Variants in ZAN observed in about 807,000 individuals in gnomAD.
ZAN encodes zonadhesin (gene/pseudogene).
ZAN carries 260 observed loss-of-function variants against 286.2 expected under a neutral mutation model. The observed-to-expected ratio is 0.91, with a 90% CI of 0.82 to 1.01. The LOEUF is 1.01. Among genes scored for constraint, ZAN ranks in the 50% least tolerant of loss-of-function variants. The pLI, the probability that ZAN is intolerant of heterozygous loss-of-function variation, is 0.00. For synonymous variants in ZAN, 1,368 were observed against 1,417.5 expected (o/e 0.97, Z 0.79); for missense variants, 3,410 against 3,639.2 (o/e 0.94, Z 1.62).
In ZAN at chr7:100,751,691, G is replaced by A. The variant is rs1356964321; in HGVS notation, c.1607-21G>A. The A allele has an allele frequency of 5.8e-6, 9 of 1,563,058 alleles. No individual in the cohort carries two copies. In the East Asian group the frequency reaches 2.0e-4, roughly 35 times the overall value. ...GGTATGGTTTTGACTAAACTCCAGGGATTCTTATTTTTCTTTGCAGTAAAA... is the reference window on the plus strand; with the variant it reads ...GGTATGGTTTTGACTAAACTCCAGGAATTCTTATTTTTCTTTGCAGTAAAA... On this transcript the variant is annotated intron_variant, in intron 13 of 47. Transcript: ENST00000613979.
At chr7:100,733,968 C>G (rs1807123485) in intron 1 of ZAN, 59 bp from the exon 2 acceptor site, 1 of 402,620 alleles carries the variant, frequency 2.5e-6, no homozygotes, top group East Asian at 3.9e-5. Context: ...CCCTCGATTT[C>G]AATCTACGAT....
In ZAN at chr7:100,795,198, A is replaced by G. The variant is rs1209536603; in HGVS notation, c.8128A>G (p.Ser2710Gly). The G allele has an allele frequency of 6.2e-7, 1 of 1,607,252 alleles. No homozygotes were observed. Among genetic ancestry groups the G allele is most frequent in the Admixed American group, 1.7e-5 (1 of 59,404 alleles). Residue 2710 changes from serine (S) to glycine (G), a missense_variant and splice_region_variant, in exon 45 of 48, where the codon AGC becomes GGC. Physicochemically the swap from Ser to Gly is moderately conservative, Grantham distance 56. Transcript: ENST00000613979. ...CACAACCCTCTCTGTCCTTGCAGAA[A>G]GCCCGTGTCTGCAGAACCCCTGTCA... ...GNHTQGCFPE[S>G]PCLQNPCQND...
intron 39 of ZAN, among the ~76,000 whole-genome samples, chr7:100,790,561 C>CA (rs71517127): frequency 0.012 from 731 of 61,760 alleles, 6 homozygotes; most frequent in African/African-American, 0.025. Flanking sequence ...GACTCCATCT[C>CA]AAAAAAAAAA....
intron 2 of ZAN, among the ~76,000 whole-genome samples, chr7:100,735,338 G>A (rs2131460411): frequency 1.4e-5 from 2 of 138,406 alleles, no homozygotes; most frequent in Middle Eastern, 6.8e-3. Flanking sequence ...GCCAAAGTGG[G>A]AGGATTGCAT....
rs1211330200 is a variant in ZAN, at chr7:100,736,010, TTC to T, written c.106+244_106+245del. ...CCAGCCCCGAATTTCTCCTAAAAGA[TTC>T]TCTCTTTCAAATCTCTGCTCTGGGC... On this transcript the variant is annotated intron_variant, in intron 3 of 47. Transcript: ENST00000613979. Among the ~76,000 whole-genome samples the T allele has an allele frequency of 3.5e-5, 5 of 141,232 alleles. 1 individual carries two copies. Among genetic ancestry groups the T allele is most frequent in the East Asian group, 4.0e-4 (2 of 4,942 alleles). The allele number at this position is 141,232 out of a possible 152,430, so 92.7% of individuals were successfully genotyped here.
intron 26 of ZAN, 122 bp downstream of exon 26, chr7:100,768,133 G>C: frequency 8.0e-7 from 1 of 1,256,792 alleles, no homozygotes; most frequent in East Asian, 2.6e-5. Context: ...AATTCGTTGA[G>C]GACATTAGGC....
rs201585086 is a variant in ZAN at position 100,736,289 on chromosome 7, C to T, written c.107-194C>T. On this transcript the variant is annotated intron_variant, in intron 3 of 47. Coordinates refer to ENST00000613979, the MANE Select transcript of ZAN (RefSeq NM_003386.3). Reference sequence around the variant, plus strand: ...CGCGATCTTGGCTCACTGCAAAGTCCGCCTCCTGGGTTCAAGCGATTCTCT... The same window carrying T: ...CGCGATCTTGGCTCACTGCAAAGTCTGCCTCCTGGGTTCAAGCGATTCTCT... Among the ~76,000 whole-genome samples the T allele has an allele frequency of 2.8e-5, 4 of 142,360 alleles. 1 individual carries two copies. The highest frequency in any genetic ancestry group is 4.0e-4 in the East Asian group (2 of 4,946). The allele number at this position is 142,360 out of a possible 152,430, so 93.4% of individuals were successfully genotyped here. A position where few individuals can be genotyped will look rare whatever the true frequency, so the allele number is the denominator to read the frequency against.
rs752501772 is a variant in ZAN, at chr7:100,775,686, C to CACG, written c.6047_6048insGAC (p.Thr2016dup). 3.7e-6 allele frequency: 6 copies of CACG among 1,613,784 alleles called. No homozygotes were observed. The Admixed American group carries it at 5.0e-5, about 13-fold the overall frequency. ...CTGTTTAGATCAACAGCAAACAGGTCACCCTCCCCGCCATCTCCCAGATCC... is the reference window on the plus strand; with the variant it reads ...CTGTTTAGATCAACAGCAAACAGGTCACGACCCTCCCCGCCATCTCCCAGATCC... On this transcript the variant is annotated inframe_insertion, in exon 33 of 48. Coordinates refer to ENST00000613979, the MANE Select transcript of ZAN (RefSeq NM_003386.3).
Position 100,760,454 on chromosome 7 carries a change from G to C in ZAN, c.3760G>C (p.Gly1254Arg). The change falls in exon 19 of 48, where the codon GGG becomes CGG. Residue 1254 changes from glycine to arginine, a missense_variant. Coordinates refer to ENST00000613979, the MANE Select transcript of ZAN (RefSeq NM_003386.3). ...PSKGVFLGAS[G>R]RFVELQTEFG... is the part of the protein sequence containing the mutation. ...TAAAGGCGTCTTCCTGGGTGCAAGC[G>C]GGCGGTTTGTGGAGCTGCAGACGGA... 1 of 1,613,942 alleles carries C rather than the reference G, an allele frequency of 6.2e-7. No individual in the cohort carries two copies. Among genetic ancestry groups the C allele is most frequent in the Non-Finnish European group, 8.5e-7 (1 of 1,179,892 alleles).
chr7:100,747,413 A>G, intron 8 of ZAN, 137 bp from the exon 9 acceptor site: 2 of 671,546 alleles, frequency 3.0e-6, no homozygotes, highest in Non-Finnish European at 5.2e-6. Flanking sequence ...TAAATAAAAT[A>G]AAAAAGAAGA....
Position 100,760,628 on chromosome 7 carries a change from C to T in ZAN, c.3842+92C>T, listed in dbSNP as rs1179136857. The T allele has an allele frequency of 1.2e-5, 18 of 1,516,442 alleles. No homozygotes were observed. In the East Asian group the frequency reaches 2.7e-4, roughly 22 times the overall value. 93.9% of individuals were successfully genotyped at this position (1,516,442 alleles called of 1,614,324 possible). On this transcript the variant is annotated intron_variant, in intron 19 of 47. Coordinates refer to ENST00000613979, the MANE Select transcript of ZAN (RefSeq NM_003386.3). Reference sequence around the variant, plus strand: ...CCTGCTGCCCACCCTGCCCACTCCCCTTCCATCCCTGGCACCACTACTTGA... The same window carrying T: ...CCTGCTGCCCACCCTGCCCACTCCCTTTCCATCCCTGGCACCACTACTTGA...
intron 29 of ZAN, among the ~76,000 whole-genome samples, chr7:100,772,758 T>A (rs928300710): frequency 6.6e-6 from 1 of 151,022 alleles, no homozygotes; most frequent in Non-Finnish European, 1.5e-5. Flanking sequence ...GAGGTGGAGC[T>A]TGCAGTGACC....
At position 100,752,612 on chromosome 7, in the gene ZAN, C is replaced by T. The variant is rs765567207; in HGVS notation, c.2507C>T (p.Thr836Ile). 1.2e-6 allele frequency: 2 copies of T among 1,611,906 alleles called. No homozygotes were observed. The highest frequency in any genetic ancestry group is 3.3e-5 in the Admixed American group (2 of 59,802). The change falls in exon 14 of 48, where the codon ACT becomes ATT. Residue 836 changes from threonine (T) to isoleucine (I), a missense_variant. By Grantham distance (89) the Thr-to-Ile change is moderately conservative (BLOSUM62 -1). This residue lies in a region of ZAN where 90 missense variants were observed against 87.1 expected (regional missense o/e 1.03). Transcript: ENST00000613979. The stretch of plus-strand genomic sequence containing the variant: ...GAAACCACCACCTCTGTTGAAGAGA[C>T]TACCATCTCTACAGAAAAACTCACC... Reference protein sequence around the residue: ...TEETTTSVEETTISTEKLTIP... With the variant: ...TEETTTSVEEITISTEKLTIP...
intron 14 of ZAN, among the ~76,000 whole-genome samples, chr7:100,753,668 TAA>T (rs367810068): frequency 1.4e-5 from 2 of 140,820 alleles, no homozygotes; most frequent in African/African-American, 2.6e-5. Context: ...ACTTTAAAAT[TAA>T]AAAAAAAAAA....
chr7:100,776,639 C>T (rs1810816341), intron 34 of ZAN, 75 bp downstream of exon 34: 1 of 1,170,324 alleles, frequency 8.5e-7, no homozygotes, highest in East Asian at 3.4e-5. Context: ...GCCTTCCCTT[C>T]CCTTCCCTCC....
chr7:100,791,932 G>T (rs765123295), intron 40 of ZAN, 34 bp from the exon 41 acceptor site: 1 of 1,583,580 alleles, frequency 6.3e-7, no homozygotes, highest in East Asian at 2.3e-5. Context: ...CTTCCTTGGG[G>T]CCTCACCTGA....
intron 13 of ZAN, 32 bp downstream of exon 13, chr7:100,751,298 G>T (rs1282390822): frequency 1.3e-6 from 2 of 1,500,948 alleles, no homozygotes; most frequent in African/African-American, 2.8e-5. Flanking sequence ...CAGGAAGGGG[G>T]CGGTGCCCTG....
chr7:100,751,213 C>T lies in ZAN; in HGVS notation c.1553C>T (p.Thr518Met), dbSNP rs747613197. ...TTCAAGGGCATCCAGGGAAGCAACA[C>T]GGCCTCTGTGGTTGCTATGGGTTTC... ...LIFKGIQGSN[T>M]ASVVAMGFIL... The change falls in exon 13 of 48, where the codon ACG (threonine) becomes ATG (methionine). Residue 518 changes from threonine to methionine, a missense_variant. Physicochemically the swap from Thr to Met is moderately conservative, Grantham distance 81 (BLOSUM62 -1). This residue lies in a region of ZAN where 872 missense variants were observed against 938.9 expected (regional missense o/e 0.93). Coordinates refer to ENST00000613979, the MANE Select transcript of ZAN (RefSeq NM_003386.3). 2.4e-5 allele frequency: 39 copies of T among 1,609,928 alleles called. No individual in the cohort carries two copies. In the East Asian group the frequency reaches 2.5e-4, roughly 10 times the overall value.
At chr7:100,744,710 C>A (rs1287151048) in intron 7 of ZAN, among the ~76,000 whole-genome samples, 2 of 151,536 alleles carry the variant, frequency 1.3e-5, no homozygotes, top group African/African-American at 4.9e-5. Context: ...GCATTTAGCA[C>A]CGTGTACCGC....
Sources: allele counts gnomAD v4.1 joint callset (sites outside exome capture counted in the v4.1 genomes callset), GRCh38; gene constraint gnomAD v4.1.1; regional missense constraint gnomAD v4.1.1; transcripts MANE v1.5; gene names NCBI Gene and HGNC (gene_info 2026-07-23, HGNC 2026-07-21).